SPSB1: variants seen among roughly 807,000 people sequenced by gnomAD.
SPSB1 encodes splA/ryanodine receptor domain and SOCS box containing 1, also known as SPRY domain-containing SOCS box protein 1.
A neutral mutation model predicts 21.2 loss-of-function variants in SPSB1; 8 were observed. The observed-to-expected ratio is 0.38, with a 90% CI of 0.22 to 0.68. The LOEUF (loss-of-function observed/expected upper bound fraction) is 0.68, where lower values mean the gene tolerates loss of function less well. Among genes scored for constraint, SPSB1 ranks in the 30% least tolerant of loss-of-function variants. The pLI, the probability that SPSB1 is intolerant of heterozygous loss-of-function variation, is 0.53. For missense variants in SPSB1, 242 were observed against 377.8 expected (o/e 0.64, Z 2.98); for synonymous variants, 169 against 161.7 (o/e 1.05, Z -0.34).
In SPSB1 at chr1:9,358,569, GAA is replaced by G. The variant is rs1419315888; in HGVS notation, c.694+1985_694+1986del. On this transcript the variant is annotated intron_variant, in intron 2 of 2. Transcript: ENST00000328089. ...CTGGGCATATCCTGCCTAGGACCTA[GAA>G]TCTTGAGGAGCCCTGACCCTCAGCC... Among the ~76,000 whole-genome samples the G allele has an allele frequency of 2.0e-5, 3 of 152,344 alleles. No individual in the cohort carries two copies. The East Asian group carries it at 5.8e-4, about 29-fold the overall frequency.
At chr1:9,342,388 C>T (rs1474255975) in intron 1 of SPSB1, among the ~76,000 whole-genome samples, 1 of 152,234 alleles carries the variant, frequency 6.6e-6, no homozygotes, top group Non-Finnish European at 1.5e-5. Context: ...GCAGAAGCTC[C>T]ATGGTGCAGC....
In SPSB1 at chr1:9,327,978, G is replaced by A. The variant is rs1041759683; in HGVS notation, c.-149-27765G>A. On this transcript the variant is annotated intron_variant, in intron 1 of 2. Transcript: ENST00000328089. ...TCAGTTTCTCACCAAAGTGCAAGCC[G>A]CTGACCTTGGATGGTGAATGGAGTG... is the stretch of plus-strand genomic sequence containing the variant. Among the ~76,000 whole-genome samples the A allele has an allele frequency of 6.6e-5, 10 of 152,260 alleles. No homozygotes were observed. The South Asian group carries it at 8.3e-4, about 13-fold the overall frequency.
At chr1:9,354,887 C>G (rs1640337275) in intron 1 of SPSB1, among the ~76,000 whole-genome samples, 1 of 152,162 alleles carries the variant, frequency 6.6e-6, no homozygotes, top group African/African-American at 2.4e-5. Flanking sequence ...CCCAGAGTCC[C>G]TGTTCTCCCT....
chr1:9,301,386 G>T (rs1293083106), intron 1 of SPSB1, among the ~76,000 whole-genome samples: 1 of 152,284 alleles, frequency 6.6e-6, no homozygotes, highest in Middle Eastern at 3.4e-3. Flanking sequence ...TGCAGTCCCA[G>T]CTACTTGGGA....
intron 1 of SPSB1, among the ~76,000 whole-genome samples, chr1:9,297,882 C>A (rs1639251601): frequency 6.6e-6 from 1 of 152,226 alleles, no homozygotes; most frequent in African/African-American, 2.4e-5. Flanking sequence ...GAAGACAGAT[C>A]TTTCACGCAT....
chr1:9,324,535 A>T lies in SPSB1; in HGVS notation c.-149-31208A>T, dbSNP rs915706256. Among the ~76,000 whole-genome samples, 2 of 151,986 alleles carry T rather than the reference A, an allele frequency of 1.3e-5. No homozygotes were observed. Among genetic ancestry groups the T allele is most frequent in the Admixed American group, 1.3e-4 (2 of 15,262 alleles). On this transcript the variant is annotated intron_variant, in intron 1 of 2. Transcript: ENST00000328089. This position sits in a 1 kb window ranked among gnomAD's most constrained non-coding sequence, Gnocchi z 4.3. ...GGCCCGGGACTCGGTGTGTCCGATG[A>T]GGAAACCAGCTTGGGTGGGGAGGGG...
intron 1 of SPSB1, among the ~76,000 whole-genome samples, chr1:9,307,465 A>C (rs1324108071): frequency 6.6e-6 from 1 of 152,210 alleles, no homozygotes; most frequent in African/African-American, 2.4e-5. Flanking sequence ...CCTGTGCTGG[A>C]CAGTTCATAT....
chr1:9,361,909 C>G (rs1400948726), intron 2 of SPSB1, among the ~76,000 whole-genome samples: 1 of 152,260 alleles, frequency 6.6e-6, no homozygotes, highest in African/African-American at 2.4e-5. Context: ...AGCCCCTGAC[C>G]TTGTGGGTCC....
chr1:9,301,664 G>A (rs1029202608), intron 1 of SPSB1, among the ~76,000 whole-genome samples: 2 of 152,318 alleles, frequency 1.3e-5, no homozygotes, highest in African/African-American at 4.8e-5. Flanking sequence ...TCATCGCCTG[G>A]TGGGCTCAGG....
chr1:9,361,160 T>TTTTTTTTTTTTTTG (rs1640469359), intron 2 of SPSB1, among the ~76,000 whole-genome samples: 1 of 110,946 alleles, frequency 9.0e-6, no homozygotes, highest in Non-Finnish European at 1.8e-5. Flanking sequence ...CATTTTCTTT[T>TTTTTTTTTTTTTTG]TTTTTTTTTT....
rs780406718 is a variant in SPSB1, at chr1:9,367,597, C to T, written c.*22C>T. 7.6e-6 allele frequency: 12 copies of T among 1,578,636 alleles called. No homozygotes were observed. The highest frequency in any genetic ancestry group is 2.3e-5 in the East Asian group (1 of 43,192). On this transcript the variant is annotated 3_prime_UTR_variant, in exon 3 of 3. Coordinates refer to ENST00000328089, the MANE Select transcript of SPSB1 (RefSeq NM_025106.4). This position sits in a 1 kb window ranked among gnomAD's most constrained non-coding sequence, Gnocchi z 5.9. ...GTGACGTTCGCCATCATACCGCCAG[C>T]GCGACAGCCACCTGGTGCCAACTCA...
intron 1 of SPSB1, among the ~76,000 whole-genome samples, chr1:9,338,811 G>T (rs1186570161): frequency 4.6e-5 from 7 of 152,210 alleles, no homozygotes; most frequent in African/African-American, 7.2e-5. Context: ...AGCTTCCTGG[G>T]GGCGCTCCCG....
At position 9,356,521 on chromosome 1, in the gene SPSB1, T is replaced by C. The variant is rs750877507; in HGVS notation, c.630T>C (p.Tyr210=). The change falls in exon 2 of 3, where the codon TAT becomes TAC. Residue 210 remains tyrosine, a synonymous_variant. Coordinates refer to ENST00000328089, the MANE Select transcript of SPSB1 (RefSeq NM_025106.4). This position sits in a 1 kb window ranked among gnomAD's most constrained non-coding sequence, Gnocchi z 7.4. ...AFRGLKGKKL[Y]PVVSAVWGHC... ...GGGGACTCAAGGGCAAAAAACTGTA[T>C]CCTGTAGTGAGTGCCGTCTGGGGCC... The C allele has an allele frequency of 6.2e-7, 1 of 1,610,288 alleles. No homozygotes were observed. Among genetic ancestry groups the C allele is most frequent in the South Asian group, 1.1e-5 (1 of 91,010 alleles).
chr1:9,339,131 A>T, intron 1 of SPSB1: 1 of 814,612 alleles, frequency 1.2e-6, no homozygotes, highest in Non-Finnish European at 1.5e-6. Flanking sequence ...TGGGGACCCT[A>T]CTGCGGGGGC....
intron 2 of SPSB1, among the ~76,000 whole-genome samples, chr1:9,365,568 T>G (rs12063543): frequency 0.13 from 14,520 of 108,534 alleles, 2,325 homozygotes; most frequent in African/African-American, 0.41. Context: ...TCTTGCGTGG[T>G]GAGATGTAGG....
chr1:9,349,148 C>A (rs1294739216), intron 1 of SPSB1, among the ~76,000 whole-genome samples: 1 of 152,184 alleles, frequency 6.6e-6, no homozygotes, highest in Non-Finnish European at 1.5e-5. Context: ...GCAGAATCTC[C>A]TCCAGGGTGT....
At chr1:9,312,710 A>G (rs565683986) in intron 1 of SPSB1, among the ~76,000 whole-genome samples, 4 of 152,294 alleles carry the variant, frequency 2.6e-5, no homozygotes, top group Admixed American at 6.5e-5. Context: ...TCATCTCATC[A>G]AATTGGCGTG....
intron 1 of SPSB1, among the ~76,000 whole-genome samples, chr1:9,296,705 A>T (rs1639232097): frequency 6.6e-6 from 1 of 152,180 alleles, no homozygotes; most frequent in Admixed American, 6.5e-5. Flanking sequence ...AGAAGCATTT[A>T]AAGGAAGCAT....
chr1:9,347,435 T>A (rs1640181017), intron 1 of SPSB1, among the ~76,000 whole-genome samples: 2 of 152,222 alleles, frequency 1.3e-5, no homozygotes, highest in Non-Finnish European at 2.9e-5. Context: ...AAAATTCAAT[T>A]CAAAAAGCGT....
Sources: gnomAD v4.1 joint callset for allele counts (sites outside exome capture counted in the v4.1 genomes callset) on GRCh38, gnomAD v4.1.1 for gene constraint, Gnocchi (gnomAD v3.1) non-coding constraint, MANE v1.5 for transcripts, NCBI Gene and HGNC (gene_info 2026-07-23, HGNC 2026-07-21) for gene names.